MMRN2: variants seen among roughly 807,000 people sequenced by gnomAD.
MMRN2 encodes the protein multimerin 2.
Under a neutral mutation model 68.8 loss-of-function variants are expected in MMRN2, and 53 were observed. The observed-to-expected ratio is 0.77, with a 90% CI of 0.62 to 0.97. The LOEUF is 0.97. MMRN2 is among the 50% of genes least tolerant of loss of function. MMRN2 has a pLI of 0.00. For missense variants in MMRN2, 1,266 were observed against 1,259.5 expected (o/e 1.01, Z -0.08); for synonymous variants, 564 against 551.6 (o/e 1.02, Z -0.32).
At chr10:86,940,464 G>A (rs1564730838) in intron 6 of MMRN2, among the ~76,000 whole-genome samples, 1 of 152,226 alleles carries the variant, frequency 6.6e-6, no homozygotes, top group Non-Finnish European at 1.5e-5. Context: ...AGTGTCGGTG[G>A]ACACAACCTG....
At chr10:86,951,923 C>T (rs1844150230) in intron 1 of MMRN2, among the ~76,000 whole-genome samples, 1 of 152,096 alleles carries the variant, frequency 6.6e-6, no homozygotes, top group African/African-American at 2.4e-5. Flanking sequence ...TGGTGCACAC[C>T]TCTAGTCCCA....
At chr10:86,940,064 G>A (rs191221414) in intron 6 of MMRN2, among the ~76,000 whole-genome samples, 4,165 of 150,086 alleles carry the variant, frequency 0.028, 125 homozygotes, top group Non-Finnish European at 0.035. Context: ...CCAGGCTGGA[G>A]TGCAGTGGCG....
At chr10:86,938,340 A>G (rs1453314809) in intron 6 of MMRN2, among the ~76,000 whole-genome samples, 2 of 152,362 alleles carry the variant, frequency 1.3e-5, no homozygotes, top group East Asian at 3.9e-4. Context: ...ACAGACCTTG[A>G]ATCTCTAGAC....
chr10:86,947,810 T>C (rs116210312), intron 1 of MMRN2, among the ~76,000 whole-genome samples: 1 of 152,070 alleles, frequency 6.6e-6, no homozygotes, highest in Non-Finnish European at 1.5e-5. Flanking sequence ...CCCATAAAAA[T>C]AGCCAACCAG....
At position 86,937,120 on chromosome 10, in the gene MMRN2, G is replaced by A; in HGVS notation, c.2473C>T (p.Pro825Ser). ...GAAAAGCTGGCATAGAAGGCCACAGGGGATCCTGAAACATAACAGGACAGT... is the reference window on the plus strand; with the variant it reads ...GAAAAGCTGGCATAGAAGGCCACAGAGGATCCTGAAACATAACAGGACAGT... ...LGAALWEAGSPVAFYASFSEG... is the reference protein window; with the variant it reads ...LGAALWEAGSSVAFYASFSEG... The change falls in exon 7 of 7, where the codon CCT (proline) becomes TCT (serine). Residue 825 changes from proline to serine, a missense_variant. Transcript: ENST00000372027. 1 of 1,614,008 alleles carries A rather than the reference G, an allele frequency of 6.2e-7. No homozygotes were observed. The highest frequency in any genetic ancestry group is 1.1e-5 in the South Asian group (1 of 91,056).
chr10:86,951,307 G>A (rs1319682369), intron 1 of MMRN2, among the ~76,000 whole-genome samples: 1 of 152,218 alleles, frequency 6.6e-6, no homozygotes, highest in Non-Finnish European at 1.5e-5. Flanking sequence ...GGTACAGGTA[G>A]TAAATATTTG....
intron 1 of MMRN2, among the ~76,000 whole-genome samples, chr10:86,947,056 T>C (rs1488080824): frequency 2.0e-5 from 3 of 151,894 alleles, no homozygotes; most frequent in Admixed American, 2.0e-4. Flanking sequence ...TGGGAAATCA[T>C]GGAGGGGTTT....
At chr10:86,939,502 C>T (rs1843928370) in intron 6 of MMRN2, among the ~76,000 whole-genome samples, 3 of 147,778 alleles carry the variant, frequency 2.0e-5, no homozygotes, top group Non-Finnish European at 4.5e-5. Context: ...AAGATTGTGC[C>T]CAAGTCAGAG....
In MMRN2 at chr10:86,943,121, C is replaced by T. The variant is rs768350317; in HGVS notation, c.1663G>A (p.Glu555Lys). ...CGCGACGTGGCCGCCCGCGCCCGCT[C>T]GCCCTCCGCTTTGTGCGCGTCCACG... is the stretch of plus-strand genomic sequence containing the variant. The part of the protein sequence containing the change: ...LAVDAHKAEG[E>K]RARAATSRLR... Residue 555 changes from glutamate (E) to lysine (K), a missense_variant, in exon 6 of 7, where the codon GAG becomes AAG. Glu to Lys is a moderately conservative substitution (Grantham distance 56). Coordinates refer to ENST00000372027, the MANE Select transcript of MMRN2 (RefSeq NM_024756.3). This position sits in a 1 kb window ranked among gnomAD's most constrained non-coding sequence, Gnocchi z 4.2. The T allele has an allele frequency of 2.6e-6, 4 of 1,537,460 alleles. No homozygotes were observed. The highest frequency in any genetic ancestry group is 2.4e-5 in the East Asian group (1 of 41,770).
At chr10:86,954,879 C>G (rs148448204) in intron 1 of MMRN2, among the ~76,000 whole-genome samples, 2 of 152,132 alleles carry the variant, frequency 1.3e-5, no homozygotes, top group South Asian at 4.1e-4. Context: ...AAAGGTGCAT[C>G]GTGGCCCAGA....
In MMRN2 at chr10:86,936,805, A is replaced by C. The variant is rs777392132; in HGVS notation, c.2788T>G (p.Ser930Ala). The change falls in exon 7 of 7, where the codon TCA (serine) becomes GCA (alanine). Residue 930 changes from serine (S) to alanine (A), a missense_variant. Transcript: ENST00000372027. ...CCCGACAGGCTTCTCTTTGTTATTGATCCCTGGGTTAACTCAAACCATACT... is the reference window on the plus strand; with the variant it reads ...CCCGACAGGCTTCTCTTTGTTATTGCTCCCTGGGTTAACTCAAACCATACT... Reference protein sequence around the residue: ...ERVWFELTQGSITKRSLSGTA... With the variant: ...ERVWFELTQGAITKRSLSGTA... The C allele has an allele frequency of 6.2e-7, 1 of 1,614,002 alleles. No homozygotes were observed.
chr10:86,956,071 T>G (rs1421967365), intron 1 of MMRN2, among the ~76,000 whole-genome samples: 1 of 152,012 alleles, frequency 6.6e-6, no homozygotes, highest in East Asian at 1.9e-4. Context: ...GAAGGTGGCC[T>G]GAGACTAAGG....
At position 86,942,764 on chromosome 10, in the gene MMRN2, G is replaced by A; in HGVS notation, c.2020C>T (p.Pro674Ser). 7.3e-7 allele frequency: 1 copy of A among 1,373,296 alleles called. No individual in the cohort carries two copies. Among genetic ancestry groups the A allele is most frequent in the Non-Finnish European group, 9.3e-7 (1 of 1,070,026 alleles). 85.1% of individuals were successfully genotyped at this position (1,373,296 alleles called of 1,614,324 possible). A position where few individuals can be genotyped will look rare whatever the true frequency, so the allele number is the denominator to read the frequency against. ...TGGCTGGGCTCCAGGTGCTCTGCCG[G>A]CCGCGGGGGCTCCGAGGCCTGCTCC... The part of the protein sequence containing the change: ...ALEQASEPPR[P>S]AEHLEPSHDA... The change falls in exon 6 of 7, where the codon CCG becomes TCG. Residue 674 changes from proline (P) to serine (S), a missense_variant. Pro to Ser is a moderately conservative substitution (Grantham distance 74). Coordinates refer to ENST00000372027, the MANE Select transcript of MMRN2 (RefSeq NM_024756.3).
chr10:86,945,793 G>A (rs1472841644), intron 1 of MMRN2, 104 bp from the exon 2 acceptor site: 3 of 1,573,402 alleles, frequency 1.9e-6, no homozygotes, highest in South Asian at 2.3e-5. Context: ...GCAGTGCTGG[G>A]ATTCTGGAAT....
intron 6 of MMRN2, among the ~76,000 whole-genome samples, chr10:86,937,827 GGAA>G (rs1843902839): frequency 6.6e-6 from 1 of 152,146 alleles, no homozygotes. Context: ...GCTAACACTG[GGAA>G]GGTATCTGCA....
chr10:86,944,464 G>T, intron 4 of MMRN2, 29 bp from the exon 5 acceptor site: 1 of 1,611,108 alleles, frequency 6.2e-7, no homozygotes, highest in Non-Finnish European at 8.5e-7. Flanking sequence ...TAAATGTCAA[G>T]GGCTAACTCA....
At chr10:86,952,882 C>G (rs1030341782) in intron 1 of MMRN2, among the ~76,000 whole-genome samples, 4 of 152,184 alleles carry the variant, frequency 2.6e-5, no homozygotes, top group Admixed American at 1.3e-4. Flanking sequence ...GTCCTTATCA[C>G]AACCGCATAG....
chr10:86,939,340 T>G (rs1296453098), intron 6 of MMRN2, among the ~76,000 whole-genome samples: 1 of 150,146 alleles, frequency 6.7e-6, no homozygotes, highest in Non-Finnish European at 1.5e-5. Flanking sequence ...CAGGCGCCTG[T>G]AATCCTAGCT....
Position 86,943,335 on chromosome 10 carries a change from G to C in MMRN2, c.1449C>G (p.Ala483=), listed in dbSNP as rs747848286. ...LTLQHLQGGH[A]DLIKYVKDCN... is the part of the protein sequence containing the mutation. ...AGTCCTTCACGTACTTGATGAGGTC[G>C]GCATGGCCACCCTGCAGGTGCTGCA... Residue 483 remains alanine, a synonymous_variant, in exon 6 of 7, where the codon GCC becomes GCG. Coordinates refer to ENST00000372027, the MANE Select transcript of MMRN2 (RefSeq NM_024756.3). This position sits in a 1 kb window ranked among gnomAD's most constrained non-coding sequence, Gnocchi z 4.2. 4.3e-6 allele frequency: 7 copies of C among 1,613,876 alleles called. No individual in the cohort carries two copies. Among genetic ancestry groups the C allele is most frequent in the East Asian group, 4.5e-5 (2 of 44,868 alleles).
Sources: gnomAD v4.1 joint callset for allele counts (sites outside exome capture counted in the v4.1 genomes callset) on GRCh38, gnomAD v4.1.1 for gene constraint, Gnocchi (gnomAD v3.1) non-coding constraint, MANE v1.5 for transcripts, NCBI Gene and HGNC (gene_info 2026-07-23, HGNC 2026-07-21) for gene names.